The following PPP2R2D variants were observed in gnomAD, a reference collection of about 807,000 sequenced individuals.
PPP2R2D encodes serine/threonine-protein phosphatase 2A 55 kDa regulatory subunit B delta isoform.
A neutral mutation model predicts 31.1 loss-of-function variants in PPP2R2D; 9 were observed. The observed-to-expected ratio is 0.29, with a 90% CI of 0.17 to 0.51. The LOEUF is 0.51. PPP2R2D is among the 20% of genes least tolerant of loss of function. The pLI is 0.98. For missense variants in PPP2R2D, 391 were observed against 465.6 expected (o/e 0.84, Z 1.48); for synonymous variants, 179 against 172.6 (o/e 1.04, Z -0.29).
chr10:131,902,241 A>G (rs905263136), intron 2 of PPP2R2D, among the ~76,000 whole-genome samples: 3 of 152,238 alleles, frequency 2.0e-5, no homozygotes, highest in East Asian at 1.9e-4. Flanking sequence ...CTTACTGAAC[A>G]TTGTAAACCT....
chr10:131,944,511 A>G (rs2036500103), intron 6 of PPP2R2D, among the ~76,000 whole-genome samples: 2 of 152,276 alleles, frequency 1.3e-5, no homozygotes, highest in African/African-American at 2.4e-5. Context: ...GCAGTGTTTA[A>G]TCACCCATCT....
In PPP2R2D at chr10:131,903,186, G is replaced by A. The variant is rs1181843667; in HGVS notation, c.100+1856G>A. Among the ~76,000 whole-genome samples, 4 of 152,184 alleles carry A rather than the reference G, an allele frequency of 2.6e-5. No individual in the cohort carries two copies. In the East Asian group the frequency reaches 7.7e-4, roughly 29 times the overall value. ...ATTCTTTCTTTAAAAAAAATCTTGG[G>A]CCGGGTGTTGTGGCTCATGCCTATA... On this transcript the variant is annotated intron_variant, in intron 2 of 8. Transcript: ENST00000455566.
At chr10:131,908,106 T>G (rs2035627165) in intron 2 of PPP2R2D, among the ~76,000 whole-genome samples, 1 of 152,208 alleles carries the variant, frequency 6.6e-6, no homozygotes, top group African/African-American at 2.4e-5. Flanking sequence ...TCTCTTGTAT[T>G]TTAAAGTATT....
intron 2 of PPP2R2D, among the ~76,000 whole-genome samples, chr10:131,933,950 A>G (rs1358111377): frequency 1.3e-5 from 2 of 152,148 alleles, no homozygotes; most frequent in East Asian, 3.9e-4. Context: ...TATCCAGACA[A>G]TGACATGGAA....
rs1359260318 is a variant in PPP2R2D, at chr10:131,917,019, C to A, written c.100+15689C>A. On this transcript the variant is annotated intron_variant, in intron 2 of 8. Coordinates refer to ENST00000455566, the MANE Select transcript of PPP2R2D (RefSeq NM_018461.5). Reference sequence around the variant, plus strand: ...TGGGTGGAATGACACAGTGTAGGGACCTCACGTGGGTGGAATGACACAGTG... The same window carrying A: ...TGGGTGGAATGACACAGTGTAGGGAACTCACGTGGGTGGAATGACACAGTG... Among the ~76,000 whole-genome samples, 5 of 125,916 alleles carry A rather than the reference C, an allele frequency of 4.0e-5. No individual in the cohort carries two copies. The South Asian group carries it at 7.6e-4, about 19-fold the overall frequency. The allele number at this position is 125,916 out of a possible 152,430, so 82.6% of individuals were successfully genotyped here.
chr10:131,946,237 G>A (rs1554897969), intron 7 of PPP2R2D, among the ~76,000 whole-genome samples: 1 of 152,226 alleles, frequency 6.6e-6, no homozygotes, highest in African/African-American at 2.4e-5. Flanking sequence ...TTTAGGTGAG[G>A]GAGGTTCTGG....
At chr10:131,970,127 C>G in the PPP2R2D span, 1 of 154,808 alleles carries the variant, frequency 6.5e-6, no homozygotes, top group Non-Finnish European at 1.4e-5. This position sits in a 1 kb window ranked among gnomAD's most constrained non-coding sequence, Gnocchi z 4.1. Context: ...TGCAGTGAGC[C>G]GAGATCACGC....
intron 2 of PPP2R2D, among the ~76,000 whole-genome samples, chr10:131,922,373 A>G (rs916568501): frequency 3.9e-5 from 6 of 152,300 alleles, no homozygotes; most frequent in East Asian, 1.9e-4. Flanking sequence ...TACATTTGTT[A>G]ATTAGCTAAA....
chr10:131,928,542 G>C (rs1284106738), intron 2 of PPP2R2D, among the ~76,000 whole-genome samples: 1 of 152,200 alleles, frequency 6.6e-6, no homozygotes, highest in Non-Finnish European at 1.5e-5. Context: ...TTTCAGGCTG[G>C]TAATGTTATC....
intron 5 of PPP2R2D, among the ~76,000 whole-genome samples, chr10:131,943,393 G>C (rs140232417): frequency 6.6e-6 from 1 of 152,190 alleles, no homozygotes; most frequent in African/African-American, 2.4e-5. Context: ...TAAGTGACCA[G>C]CTCCATGAAT....
intron 5 of PPP2R2D, among the ~76,000 whole-genome samples, chr10:131,942,755 A>G (rs1352977791): frequency 6.6e-6 from 1 of 152,218 alleles, no homozygotes; most frequent in Non-Finnish European, 1.5e-5. Context: ...TCAATAAAAG[A>G]AGGAATCTTT....
chr10:131,918,104 C>T (rs1167235175), intron 2 of PPP2R2D, among the ~76,000 whole-genome samples: 1 of 146,526 alleles, frequency 6.8e-6, no homozygotes, highest in African/African-American at 2.6e-5. Context: ...GTAGGGACCT[C>T]AGGCGGGTGG....
At chr10:131,915,617 T>C (rs1221829746) in intron 2 of PPP2R2D, among the ~76,000 whole-genome samples, 1 of 152,146 alleles carries the variant, frequency 6.6e-6, no homozygotes, top group Admixed American at 6.5e-5. Context: ...TGCTCTTGAG[T>C]GTTTATCCAA....
chr10:131,926,824 G>A (rs1554894990), intron 2 of PPP2R2D, among the ~76,000 whole-genome samples: 1 of 152,258 alleles, frequency 6.6e-6, no homozygotes, highest in Admixed American at 6.5e-5. Context: ...GCCTTGCCCG[G>A]CACCTTGCCT....
At chr10:131,918,905 T>G (rs201381709) in intron 2 of PPP2R2D, among the ~76,000 whole-genome samples, 1 of 112,494 alleles carries the variant, frequency 8.9e-6, no homozygotes, top group Non-Finnish European at 1.8e-5. Flanking sequence ...ATGGGTGGAA[T>G]GGCACAGCGT....
chr10:131,922,062 C>T (rs1237905325), intron 2 of PPP2R2D, among the ~76,000 whole-genome samples: 1 of 152,158 alleles, frequency 6.6e-6, no homozygotes, highest in Non-Finnish European at 1.5e-5. Context: ...GTGGCCCTAC[C>T]TCTCATAGAC....
intron 2 of PPP2R2D, among the ~76,000 whole-genome samples, chr10:131,916,685 G>A (rs538481056): frequency 6.6e-6 from 1 of 150,784 alleles, no homozygotes; most frequent in East Asian, 2.0e-4. Context: ...GGGACCTCAG[G>A]CAGGTGGAAT....
chr10:131,952,384 C>CA (rs2036665332), intron 8 of PPP2R2D, among the ~76,000 whole-genome samples: 4 of 31,520 alleles, frequency 1.3e-4, no homozygotes, highest in Admixed American at 5.5e-4. Context: ...TGCGGGTGTG[C>CA]GGGGGTTCAC....
chr10:131,922,457 T>G (rs2036006705), intron 2 of PPP2R2D, among the ~76,000 whole-genome samples: 2 of 149,624 alleles, frequency 1.3e-5, no homozygotes, highest in African/African-American at 2.5e-5. Context: ...GTCAATTGTT[T>G]TTTTTTTTTT....
Sources: gnomAD v4.1 joint callset for allele counts (sites outside exome capture counted in the v4.1 genomes callset) on GRCh38, gnomAD v4.1.1 for gene constraint, Gnocchi (gnomAD v3.1) non-coding constraint, MANE v1.5 for transcripts, NCBI Gene and HGNC (gene_info 2026-07-23, HGNC 2026-07-21) for gene names.